The following RBFOX1 variants were observed in gnomAD, a reference collection of about 807,000 sequenced individuals.
RBFOX1 encodes RNA binding protein fox-1 homolog 1.
RBFOX1 carries 8 observed loss-of-function variants against 57.7 expected under a neutral mutation model. The observed-to-expected ratio is 0.14, with a 90% CI of 0.08 to 0.25. The LOEUF is 0.25. Ranked by LOEUF, RBFOX1 falls within the 10% of genes least tolerant of loss-of-function variation. The pLI is 1.00. For missense variants in RBFOX1, 611 were observed against 548.5 expected (o/e 1.11, Z -1.14); for synonymous variants, 326 against 222.4 (o/e 1.47, Z -4.15).
intron 4 of RBFOX1, among the ~76,000 whole-genome samples, chr16:5,979,584 C>G (rs1312338021): frequency 6.6e-6 from 1 of 152,212 alleles, no homozygotes; most frequent in Non-Finnish European, 1.5e-5. Context: ...ATGCAGCTGG[C>G]TGGGCATGGT....
At chr16:5,704,696 T>C (rs1310724407) in intron 3 of RBFOX1, among the ~76,000 whole-genome samples, 2 of 152,134 alleles carry the variant, frequency 1.3e-5, no homozygotes, top group Non-Finnish European at 2.9e-5. Context: ...TAGGGTTTCA[T>C]TTGGCTCATT....
intron 2 of RBFOX1, among the ~76,000 whole-genome samples, chr16:6,456,250 G>T (rs1188432130): frequency 6.6e-6 from 1 of 152,056 alleles, no homozygotes; most frequent in African/African-American, 2.4e-5. Context: ...TTTTAGAAAA[G>T]AACATGGATT....
chr16:5,492,158 C>G (rs779435436), intron 2 of RBFOX1, among the ~76,000 whole-genome samples: 1 of 152,186 alleles, frequency 6.6e-6, no homozygotes, highest in Non-Finnish European at 1.5e-5. Flanking sequence ...CCAGGACATG[C>G]TGGTGCATGC....
chr16:6,931,338 T>TACACACACACACA (rs1360394265), intron 3 of RBFOX1, among the ~76,000 whole-genome samples: 2 of 131,216 alleles, frequency 1.5e-5, no homozygotes, highest in African/African-American at 7.0e-5. Flanking sequence ...TCTATCTATC[T>TACACACACACACA]CTACACACAC....
At chr16:7,414,137 C>G in intron 4 of RBFOX1, among the ~76,000 whole-genome samples, 1 of 152,208 alleles carries the variant, frequency 6.6e-6, no homozygotes, top group East Asian at 1.9e-4. Flanking sequence ...TACAGACAAT[C>G]CATTCATTCG....
chr16:5,461,187 G>T (rs1319475745), intron 1 of RBFOX1, among the ~76,000 whole-genome samples: 2 of 152,176 alleles, frequency 1.3e-5, no homozygotes, highest in Admixed American at 1.3e-4. Flanking sequence ...TGTTTGCAAG[G>T]TTAGACCAGC....
chr16:5,777,569 C>T (rs551764256), intron 3 of RBFOX1, among the ~76,000 whole-genome samples: 4 of 152,264 alleles, frequency 2.6e-5, no homozygotes, highest in African/African-American at 9.6e-5. Flanking sequence ...GTCACTTACT[C>T]CTTGTATAAA....
chr16:6,567,761 A>T (rs1010900808), intron 2 of RBFOX1, among the ~76,000 whole-genome samples: 1 of 152,164 alleles, frequency 6.6e-6, no homozygotes, highest in Admixed American at 6.5e-5. Context: ...GTTGGTCCAT[A>T]CAAAGCAACA....
intron 1 of RBFOX1, among the ~76,000 whole-genome samples, chr16:5,410,712 A>G (rs531645919): frequency 6.6e-6 from 1 of 152,340 alleles, no homozygotes; most frequent in Admixed American, 6.5e-5. Flanking sequence ...GGACATGTGC[A>G]TACTTCCTGC....
At chr16:6,775,514 A>C (rs1353177096) in intron 3 of RBFOX1, among the ~76,000 whole-genome samples, 1 of 152,180 alleles carries the variant, frequency 6.6e-6, no homozygotes, top group East Asian at 1.9e-4. Flanking sequence ...AATCAGATGC[A>C]ACCAATTATA....
At chr16:7,434,481 A>T (rs923040000) in intron 4 of RBFOX1, among the ~76,000 whole-genome samples, 2 of 151,942 alleles carry the variant, frequency 1.3e-5, no homozygotes, top group Admixed American at 1.3e-4. Context: ...CGTTAAAATA[A>T]ATAAATAAAT....
At chr16:5,553,483 T>C (rs1240723682) in intron 2 of RBFOX1, among the ~76,000 whole-genome samples, 3 of 151,842 alleles carry the variant, frequency 2.0e-5, no homozygotes, top group East Asian at 1.9e-4. Flanking sequence ...GCCTGGCTAA[T>C]TTTTTGTATT....
intron 1 of RBFOX1, among the ~76,000 whole-genome samples, chr16:5,432,559 G>GTTTTTTTTTTTTTTGTTTTTT (rs2067779217): frequency 1.1e-5 from 1 of 94,222 alleles, no homozygotes; most frequent in Non-Finnish European, 2.0e-5. Flanking sequence ...TTGTTTGTTT[G>GTTTTTTTTTTTTTTGTTTTTT]TTTTTTTTTT....
rs188741993 is a variant in RBFOX1, at chr16:7,034,648, C to G, written c.-15-17409C>G. Among the ~76,000 whole-genome samples, 344 of 151,700 alleles carry G rather than the reference C, an allele frequency of 2.3e-3. 2 individuals are homozygous for G. The highest frequency in any genetic ancestry group is 7.9e-3 in the African/African-American group (328 of 41,306). Reference sequence around the variant, plus strand: ...TCTCATTGAAGACACATCAGTGAGGCTAGCAGAGGGCCCTCTTTATTGGGG... The same window carrying G: ...TCTCATTGAAGACACATCAGTGAGGGTAGCAGAGGGCCCTCTTTATTGGGG... On this transcript the variant is annotated intron_variant, in intron 3 of 15. Transcript: ENST00000550418.
chr16:6,522,996 T>A (rs1282241274), intron 2 of RBFOX1, among the ~76,000 whole-genome samples: 1 of 152,204 alleles, frequency 6.6e-6, no homozygotes, highest in African/African-American at 2.4e-5. Flanking sequence ...CTTTTAGGCA[T>A]CAAAGAACCA....
intron 2 of RBFOX1, among the ~76,000 whole-genome samples, chr16:6,604,690 A>G (rs9933672): frequency 0.17 from 26,278 of 152,206 alleles, 2,802 homozygotes; most frequent in African/African-American, 0.3. Flanking sequence ...TTTATTAAGC[A>G]TATACACATG....
intron 3 of RBFOX1, among the ~76,000 whole-genome samples, chr16:5,684,401 C>G (rs2050439828): frequency 6.6e-6 from 1 of 152,120 alleles, no homozygotes; most frequent in Non-Finnish European, 1.5e-5. Flanking sequence ...CAGACATGAC[C>G]TAGTTGGGAC....
chr16:7,177,961 C>T (rs899289928), intron 4 of RBFOX1, among the ~76,000 whole-genome samples: 6 of 152,160 alleles, frequency 3.9e-5, no homozygotes, highest in Non-Finnish European at 7.3e-5. Context: ...GGAGAGCAGA[C>T]ACAACATGCT....
intron 9 of RBFOX1, among the ~76,000 whole-genome samples, chr16:7,597,872 G>T (rs947529889): frequency 2.0e-5 from 3 of 152,122 alleles, no homozygotes; most frequent in African/African-American, 7.2e-5. Flanking sequence ...ATTTGAAGTG[G>T]TTTAGAGTAT....
Sources: allele counts gnomAD v4.1 joint callset (sites outside exome capture counted in the v4.1 genomes callset), GRCh38; gene constraint gnomAD v4.1.1; transcripts MANE v1.5; gene names NCBI Gene and HGNC (gene_info 2026-07-23, HGNC 2026-07-21).